The following ZNF106 variants were observed in gnomAD, a reference collection of about 807,000 sequenced individuals.
ZNF106 encodes SH3-domain binding protein 3.
Under a neutral mutation model 195.1 loss-of-function variants are expected in ZNF106, and 67 were observed. The observed-to-expected ratio is 0.34, with a 90% confidence interval of 0.28 to 0.42. The LOEUF is 0.42. Ranked by LOEUF, ZNF106 falls within the 10% of genes least tolerant of loss-of-function variation. The probability of loss-of-function intolerance (pLI) is 1.00; values close to 1 mark genes in which losing one functional copy is unlikely to be tolerated. For missense variants in ZNF106, 2,118 were observed against 2,304.5 expected (o/e 0.92, Z 1.66); for synonymous variants, 784 against 818.6 (o/e 0.96, Z 0.72).
Position 42,450,803 on chromosome 15 carries a change from T to C in ZNF106, c.1469A>G (p.Gln490Arg). ...GTTTTTTGAGATATTCTTTGGATCT[T>C]GCTTTTGAGACAATGATTTAGTGGC... ...CPATKSLSQK[Q>R]DPKNISKNTK... is the part of the protein sequence containing the mutation. Residue 490 changes from glutamine (Q) to arginine (R), a missense_variant, in exon 5 of 22, where the codon CAA becomes CGA. Gln to Arg is a conservative substitution (Grantham distance 43). Transcript: ENST00000564754. 6.2e-7 allele frequency: 1 copy of C among 1,614,236 alleles called. No individual in the cohort carries two copies. The highest frequency in any genetic ancestry group is 1.1e-5 in the South Asian group (1 of 91,088).
chr15:42,444,112 CAAAAAAAA>C (rs58966014), intron 9 of ZNF106, 82 bp downstream of exon 9: 183 of 248,752 alleles, frequency 7.4e-4, no homozygotes, highest in Middle Eastern at 1.5e-3. Flanking sequence ...ACTCTGTCTC[CAAAAAAAA>C]AAAAAAAAAA....
chr15:42,440,213 C>T (rs1198958521), intron 10 of ZNF106, among the ~76,000 whole-genome samples: 3 of 152,152 alleles, frequency 2.0e-5, no homozygotes, highest in Admixed American at 6.5e-5. Context: ...AATTTAGCTA[C>T]AGCTTAGTAG....
At chr15:42,429,631 A>T (rs2054983252) in intron 14 of ZNF106, among the ~76,000 whole-genome samples, 1 of 151,968 alleles carries the variant, frequency 6.6e-6, no homozygotes, top group African/African-American at 2.4e-5. Context: ...CACTTAAATT[A>T]TTCAATTTCT....
chr15:42,418,082 G>C, intron 20 of ZNF106, 131 bp from the exon 21 acceptor site: 1 of 1,028,632 alleles, frequency 9.7e-7, no homozygotes, highest in Non-Finnish European at 1.3e-6. Flanking sequence ...TTTATTCTTG[G>C]CTAGAAAAGA....
chr15:42,460,860 CAA>C (rs34054288), intron 3 of ZNF106, among the ~76,000 whole-genome samples: 5 of 110,560 alleles, frequency 4.5e-5, no homozygotes, highest in Admixed American at 2.0e-4. Context: ...AACTCCGTCT[CAA>C]AAAAAAAAAA....
chr15:42,450,344 C>G lies in ZNF106; in HGVS notation c.1928G>C (p.Arg643Pro), dbSNP rs767801087. The change falls in exon 5 of 22, where the codon CGA (arginine) becomes CCA (proline). Residue 643 changes from arginine (R) to proline (P), a missense_variant. Arg to Pro is a moderately radical substitution (Grantham distance 103). Transcript: ENST00000564754. ...ATTELLSGST[R>P]TADEKEEDDR... ...ATCCTCCTCTTTCTCATCAGCAGTT[C>G]GAGTGCTGCCAGATAACAATTCTGT... 6.2e-7 allele frequency: 1 copy of G among 1,614,148 alleles called. No individual in the cohort carries two copies.
chr15:42,428,277 G>T, intron 14 of ZNF106, 143 bp from the exon 15 acceptor site: 1 of 595,168 alleles, frequency 1.7e-6, no homozygotes, highest in South Asian at 2.1e-5. Context: ...GACTATCTTA[G>T]ATCTGTTTCT....
chr15:42,478,308 C>T (rs1485581514), intron 1 of ZNF106, among the ~76,000 whole-genome samples: 1 of 151,692 alleles, frequency 6.6e-6, no homozygotes, highest in Non-Finnish European at 1.5e-5. Context: ...GGACTACAGG[C>T]ACCCGCCACC....
chr15:42,449,491 C>T (rs955368294), intron 5 of ZNF106, among the ~76,000 whole-genome samples: 5 of 152,158 alleles, frequency 3.3e-5, no homozygotes, highest in African/African-American at 9.7e-5. Context: ...TATAAAGTGA[C>T]GGATTTTACC....
intron 13 of ZNF106, among the ~76,000 whole-genome samples, 194 bp from the exon 14 acceptor site, chr15:42,435,712 G>A (rs116777974): frequency 0.015 from 2,268 of 152,214 alleles, 58 homozygotes; most frequent in African/African-American, 0.052. Context: ...CAGGCAATGA[G>A]GTATCTGAAA....
chr15:42,482,811 G>A (rs2056933307), intron 1 of ZNF106, among the ~76,000 whole-genome samples: 1 of 152,056 alleles, frequency 6.6e-6, no homozygotes, highest in Admixed American at 6.6e-5. Context: ...TTACAGGCGT[G>A]AGCCACCGCG....
chr15:42,467,091 C>T (rs958925356), intron 2 of ZNF106, among the ~76,000 whole-genome samples: 5 of 152,030 alleles, frequency 3.3e-5, no homozygotes, highest in Admixed American at 6.6e-5. Flanking sequence ...CGAGATTGTG[C>T]GACTGTACTC....
intron 3 of ZNF106, 96 bp from the exon 4 acceptor site, chr15:42,457,254 C>A: frequency 6.4e-7 from 1 of 1,566,722 alleles, no homozygotes; most frequent in Non-Finnish European, 8.6e-7. Context: ...ACACTGCACA[C>A]TTTGGCACAG....
At chr15:42,426,386 T>G (rs1388684365) in intron 15 of ZNF106, among the ~76,000 whole-genome samples, 2 of 151,322 alleles carry the variant, frequency 1.3e-5, no homozygotes, top group Non-Finnish European at 2.9e-5. Context: ...TCCTTACTTC[T>G]GTCTACTACT....
At chr15:42,445,629 T>C (rs2055744995) in intron 7 of ZNF106, among the ~76,000 whole-genome samples, 1 of 152,218 alleles carries the variant, frequency 6.6e-6, no homozygotes, top group Non-Finnish European at 1.5e-5. Flanking sequence ...TCAAAGGTCC[T>C]TTAAGTCAAA....
intron 14 of ZNF106, among the ~76,000 whole-genome samples, chr15:42,429,246 C>T (rs1177057781): frequency 1.3e-5 from 2 of 151,110 alleles, no homozygotes; most frequent in Non-Finnish European, 2.9e-5. Context: ...TGAGACTATC[C>T]TGGCTAACAC....
At chr15:42,448,818 G>A in intron 5 of ZNF106, 113 bp from the exon 6 acceptor site, 1 of 1,120,522 alleles carries the variant, frequency 8.9e-7, no homozygotes, top group Non-Finnish European at 1.2e-6. Context: ...AAGTAAGGTG[G>A]CTCTTGCCTT....
chr15:42,487,042 C>T (rs971990111), intron 1 of ZNF106, among the ~76,000 whole-genome samples: 6 of 151,562 alleles, frequency 4.0e-5, no homozygotes, highest in South Asian at 4.2e-4. Flanking sequence ...CCCAGCTACT[C>T]GGGAGGCTGA....
chr15:42,421,465 G>A (rs1381405252), intron 19 of ZNF106, among the ~76,000 whole-genome samples: 1 of 152,068 alleles, frequency 6.6e-6, no homozygotes, highest in African/African-American at 2.4e-5. Context: ...GAAAAGAAAG[G>A]ATTCTACTAC....
Sources: gnomAD v4.1 joint callset for allele counts (sites outside exome capture counted in the v4.1 genomes callset) on GRCh38, gnomAD v4.1.1 for gene constraint, MANE v1.5 for transcripts, NCBI Gene and HGNC (gene_info 2026-07-23, HGNC 2026-07-21) for gene names.